AKT3: variants seen among roughly 807,000 people sequenced by gnomAD.
The protein encoded by AKT3 is RAC-gamma serine/threonine-protein kinase.
AKT3 carries 15 observed loss-of-function variants against 65.3 expected under a neutral mutation model. The observed-to-expected ratio is 0.23, with a 90% CI of 0.15 to 0.35. The LOEUF (loss-of-function observed/expected upper bound fraction) is 0.35, where lower values mean the gene tolerates loss of function less well. Ranked by LOEUF, AKT3 falls within the 10% of genes least tolerant of loss-of-function variation. The probability of loss-of-function intolerance (pLI) is 1.00; values close to 1 mark genes in which losing one functional copy is unlikely to be tolerated. For missense variants in AKT3, 243 were observed against 576.5 expected, an observed-to-expected ratio of 0.42 and a Z score of 5.92; for synonymous variants, 206 against 183.8, an observed-to-expected ratio of 1.12 and a Z score of -0.98.
intron 10 of AKT3, among the ~76,000 whole-genome samples, chr1:243,556,319 A>G (rs901333397): frequency 6.6e-6 from 1 of 152,162 alleles, no homozygotes; most frequent in Non-Finnish European, 1.5e-5. Flanking sequence ...TGAATGAGAA[A>G]CTATATATTT....
intron 12 of AKT3, among the ~76,000 whole-genome samples, chr1:243,523,003 T>C (rs965441418): frequency 1.3e-5 from 2 of 151,838 alleles, no homozygotes; most frequent in African/African-American, 4.8e-5. Flanking sequence ...GGTTGGGGGA[T>C]GAACTTGTGG....
chr1:243,607,468 T>C (rs1310625043), intron 8 of AKT3, among the ~76,000 whole-genome samples: 1 of 152,172 alleles, frequency 6.6e-6, no homozygotes, highest in Non-Finnish European at 1.5e-5. Flanking sequence ...GGCCTACAGC[T>C]CCTTTGTTTT....
chr1:243,496,378 G>C (rs969288050), downstream of AKT3, among the ~76,000 whole-genome samples: 7 of 152,194 alleles, frequency 4.6e-5, no homozygotes, highest in African/African-American at 1.7e-4. Flanking sequence ...GGCTGCCCTG[G>C]AGCTCTGTCA....
intron 2 of AKT3, among the ~76,000 whole-genome samples, chr1:243,704,787 G>A (rs141625077): frequency 5.9e-5 from 9 of 152,020 alleles, no homozygotes; most frequent in South Asian, 2.1e-4. Context: ...ACATCTTTAC[G>A]TTTCAGGTTT....
chr1:243,495,638 C>T (rs1365089993), downstream of AKT3, among the ~76,000 whole-genome samples: 6 of 152,212 alleles, frequency 3.9e-5, no homozygotes, highest in African/African-American at 1.2e-4. Flanking sequence ...AGCAGGGCCG[C>T]AGGGGCCTGA....
chr1:243,664,921 T>C (rs758573745), intron 3 of AKT3, 38 bp from the exon 4 acceptor site: 5 of 1,217,020 alleles, frequency 4.1e-6, no homozygotes, highest in Middle Eastern at 2.2e-4. Context: ...AATATGGATA[T>C]ATTTAAAACA....
intron 12 of AKT3, among the ~76,000 whole-genome samples, chr1:243,514,946 C>G (rs548638974): frequency 1.3e-5 from 2 of 152,306 alleles, no homozygotes; most frequent in South Asian, 4.1e-4. Flanking sequence ...TTCTTGTGCC[C>G]ATGTGTACTT....
chr1:243,791,034 A>T (rs531497467), intron 2 of AKT3, among the ~76,000 whole-genome samples: 1 of 152,370 alleles, frequency 6.6e-6, no homozygotes, highest in South Asian at 2.1e-4. Flanking sequence ...ACAGAGGCAC[A>T]ACATAAGCAC....
At chr1:243,657,109 T>C (rs1269650919) in intron 4 of AKT3, among the ~76,000 whole-genome samples, 1 of 152,196 alleles carries the variant, frequency 6.6e-6, no homozygotes, top group African/African-American at 2.4e-5. Flanking sequence ...TATTAGGAAG[T>C]GGGCCTTCAT....
intron 8 of AKT3, among the ~76,000 whole-genome samples, chr1:243,582,405 C>G (rs1449992425): frequency 2.1e-5 from 3 of 144,330 alleles, no homozygotes; most frequent in Admixed American, 1.4e-4. Flanking sequence ...CAGCAGAAAC[C>G]TTACCAGCCA....
downstream of AKT3, chr1:243,499,656 A>G: frequency 1.0e-6 from 1 of 970,662 alleles, no homozygotes; most frequent in South Asian, 1.3e-5. Flanking sequence ...TTCTCCAACA[A>G]CAGTTTTCAT....
Position 243,655,782 on chromosome 1 carries a change from G to A in AKT3, c.284+8990C>T, listed in dbSNP as rs749113119. Among the ~76,000 whole-genome samples the A allele has an allele frequency of 1.1e-4, 16 of 151,940 alleles. No homozygotes were observed. In the South Asian group the frequency reaches 1.3e-3, roughly 12 times the overall value. On this transcript the variant is annotated intron_variant, in intron 4 of 13. Transcript: ENST00000673466. ...AGTGGTTTACCATGTCTCCTCTTTG[G>A]CAGATCCTAGATTCCAAAATATCAC...
intron 2 of AKT3, among the ~76,000 whole-genome samples, chr1:243,730,966 G>C (rs904229630): frequency 1.3e-5 from 2 of 152,180 alleles, no homozygotes; most frequent in Admixed American, 6.5e-5. Flanking sequence ...TCAGTGCTCT[G>C]AGCCTGGTTT....
intron 2 of AKT3, among the ~76,000 whole-genome samples, chr1:243,733,097 T>C (rs1476398075): frequency 6.6e-6 from 1 of 152,238 alleles, no homozygotes; most frequent in Admixed American, 6.5e-5. Context: ...TACTGTGCTA[T>C]GCCAATTCAT....
chr1:243,527,012 G>T (rs1222841129), intron 12 of AKT3, among the ~76,000 whole-genome samples: 1 of 152,040 alleles, frequency 6.6e-6, no homozygotes, highest in Non-Finnish European at 1.5e-5. Flanking sequence ...ACTGGAAACA[G>T]CAAATACGTA....
At chr1:243,589,122 A>G (rs1044966994) in intron 8 of AKT3, among the ~76,000 whole-genome samples, 11 of 152,034 alleles carry the variant, frequency 7.2e-5, no homozygotes, top group Admixed American at 5.9e-4. Context: ...CCTGACCAAC[A>G]TGGTGAAACC....
At chr1:243,788,300 A>G (rs770301998) in intron 2 of AKT3, among the ~76,000 whole-genome samples, 7 of 152,238 alleles carry the variant, frequency 4.6e-5, no homozygotes, top group Non-Finnish European at 7.3e-5. Context: ...GATGTCATGT[A>G]TCTTGGTCAT....
intron 2 of AKT3, among the ~76,000 whole-genome samples, chr1:243,811,850 C>G (rs1433062148): frequency 2.0e-5 from 3 of 152,108 alleles, no homozygotes; most frequent in East Asian, 3.9e-4. Context: ...CAGAACAGAG[C>G]CCTCAGAAAT....
chr1:243,548,063 A>C (rs1353325057), intron 11 of AKT3: 3 of 152,240 alleles, frequency 2.0e-5, no homozygotes, highest in Non-Finnish European at 4.4e-5. Flanking sequence ...CTTTGAAGGC[A>C]AGATCAGTGC....
Sources: allele counts gnomAD v4.1 joint callset (sites outside exome capture counted in the v4.1 genomes callset), GRCh38; gene constraint gnomAD v4.1.1; transcripts MANE v1.5; gene names NCBI Gene and HGNC (gene_info 2026-07-23, HGNC 2026-07-21).